SCGB1D2: variants seen among roughly 807,000 people sequenced by gnomAD.
SCGB1D2 encodes lipophilin-B.
SCGB1D2 carries 10 observed loss-of-function variants against 10.5 expected under a neutral mutation model. The observed-to-expected ratio is 0.95, with a 90% CI of 0.59 to 1.61. The LOEUF (loss-of-function observed/expected upper bound fraction) is 1.61. Ranked by LOEUF, SCGB1D2 falls within the 40% of genes most tolerant of loss-of-function variation. SCGB1D2 has a pLI of 0.00. For synonymous variants in SCGB1D2, 42 were observed against 42.8 expected (o/e 0.98, Z 0.08); for missense variants, 113 against 103.8 (o/e 1.09, Z -0.38).
intron 2 of SCGB1D2, 96 bp downstream of exon 2, chr11:62,243,572 G>C: frequency 9.3e-7 from 1 of 1,075,986 alleles, no homozygotes; most frequent in Non-Finnish European, 1.3e-6. Flanking sequence ...CAGGTGGTGG[G>C]GCAGCTGCCT....
At chr11:62,242,673 C>A (rs1317712853) in intron 1 of SCGB1D2, among the ~76,000 whole-genome samples, 2 of 152,198 alleles carry the variant, frequency 1.3e-5, no homozygotes, top group African/African-American at 4.8e-5. Context: ...CGCCACTTCC[C>A]AGCCCTTTGA....
At chr11:62,242,578 T>A (rs1945072051) in intron 1 of SCGB1D2, among the ~76,000 whole-genome samples, 1 of 152,190 alleles carries the variant, frequency 6.6e-6, no homozygotes, top group Non-Finnish European at 1.5e-5. Flanking sequence ...CAGGCAAATA[T>A]TAGGAATTCT....
At position 62,244,714 on chromosome 11, in the gene SCGB1D2, C is replaced by G; in HGVS notation, c.*15C>G. 1 of 1,608,006 alleles carries G rather than the reference C, an allele frequency of 6.2e-7. No individual in the cohort carries two copies. The highest frequency in any genetic ancestry group is 1.1e-5 in the South Asian group (1 of 90,810). On this transcript the variant is annotated 3_prime_UTR_variant, in exon 3 of 3. Transcript: ENST00000244926. ...GTAGTGTGTGACATGTAAAAACTTT[C>G]ATCCTGGTTTCCACTGTCTTTCAAT...
chr11:62,244,805 T>A lies in SCGB1D2; in HGVS notation c.*106T>A, dbSNP rs1341436654. On this transcript the variant is annotated 3_prime_UTR_variant, in exon 3 of 3. Transcript: ENST00000244926. ...TCTTGCTTTAATAAATCACTTGCTC[T>A]CCACGTCTCCACTGGTCTTGTTATA... 1.0e-5 allele frequency: 10 copies of A among 955,246 alleles called. No individual in the cohort carries two copies. The African/African-American group carries it at 1.3e-4, about 13-fold the overall frequency. The allele number at this position is 955,246 out of a possible 1,614,324, so 59.2% of individuals were successfully genotyped here. A position where few individuals can be genotyped will look rare whatever the true frequency, so the allele number is the denominator to read the frequency against.
At chr11:62,242,545 C>G (rs549694739) in intron 1 of SCGB1D2, among the ~76,000 whole-genome samples, 183 bp downstream of exon 1, 9 of 152,220 alleles carry the variant, frequency 5.9e-5, no homozygotes, top group Non-Finnish European at 1.3e-4. Flanking sequence ...CCAGCACCTA[C>G]GAAGTTTTAT....
chr11:62,243,493 T>C lies in SCGB1D2; in HGVS notation c.243+17T>C, dbSNP rs773095917. 1.9e-6 allele frequency: 3 copies of C among 1,604,820 alleles called. No homozygotes were observed. The highest frequency in any genetic ancestry group is 2.7e-5 in the African/African-American group (2 of 74,626). On this transcript the variant is annotated intron_variant, in intron 2 of 2. Coordinates refer to ENST00000244926, the MANE Select transcript of SCGB1D2 (RefSeq NM_006551.4). ...GAAGTCCTGGTAACTTCTTTCTCCTTTATTTGTTAAGGCTTCTGGTCAGCT... is the reference window on the plus strand; with the variant it reads ...GAAGTCCTGGTAACTTCTTTCTCCTCTATTTGTTAAGGCTTCTGGTCAGCT...
rs1273112184 is a variant in SCGB1D2 at position 62,243,435 on chromosome 11, C to G, written c.202C>G (p.Gln68Glu). The G allele has an allele frequency of 1.2e-6, 2 of 1,613,650 alleles. No homozygotes were observed. Among genetic ancestry groups the G allele is most frequent in the Non-Finnish European group, 1.7e-6 (2 of 1,179,900 alleles). The part of the protein sequence containing the change: ...AKLGVKRCTD[Q>E]MSLQKRSLIA... Reference sequence around the variant, plus strand: ...GTTAGGAGTGAAGAGATGCACGGATCAGATGTCCCTTCAGAAACGAAGCCT... The same window carrying G: ...GTTAGGAGTGAAGAGATGCACGGATGAGATGTCCCTTCAGAAACGAAGCCT... Residue 68 changes from glutamine (Q) to glutamate (E), a missense_variant, in exon 2 of 3, where the codon CAG becomes GAG. Physicochemically the swap from Gln to Glu is conservative, Grantham distance 29. Coordinates refer to ENST00000244926, the MANE Select transcript of SCGB1D2 (RefSeq NM_006551.4).
Position 62,243,352 on chromosome 11 carries a change from C to T in SCGB1D2, c.119C>T (p.Pro40Leu). Residue 40 changes from proline (P) to leucine (L), a missense_variant, in exon 2 of 3, where the codon CCT (proline) becomes CTT (leucine). Coordinates refer to ENST00000244926, the MANE Select transcript of SCGB1D2 (RefSeq NM_006551.4). ...TTAGACTTCTTCTTCATTAGTGAACCTCTGTTCAAGTTAAGTCTTGCCAAA... is the reference window on the plus strand; with the variant it reads ...TTAGACTTCTTCTTCATTAGTGAACTTCTGTTCAAGTTAAGTCTTGCCAAA... ...ELLDFFFISEPLFKLSLAKFD... is the reference protein window; with the variant it reads ...ELLDFFFISELLFKLSLAKFD... 2.5e-6 allele frequency: 4 copies of T among 1,613,966 alleles called. No individual in the cohort carries two copies. The highest frequency in any genetic ancestry group is 3.4e-6 in the Non-Finnish European group (4 of 1,179,826).
At chr11:62,242,438 G>T (rs1945070624) in intron 1 of SCGB1D2, 76 bp downstream of exon 1, 1 of 1,501,020 alleles carries the variant, frequency 6.7e-7, no homozygotes, top group Non-Finnish European at 9.3e-7. Context: ...ACCTATTCAG[G>T]CTGGGGTTAG....
At position 62,243,324 on chromosome 11, in the gene SCGB1D2, C is replaced by G. The variant is rs769498137; in HGVS notation, c.91C>G (p.Leu31Val). The G allele has an allele frequency of 6.2e-7, 1 of 1,614,016 alleles. No homozygotes were observed. Among genetic ancestry groups the G allele is most frequent in the South Asian group, 1.1e-5 (1 of 91,056 alleles). Reference protein sequence around the residue: ...AEFCPALVSELLDFFFISEPL... With the variant: ...AEFCPALVSEVLDFFFISEPL... ...GTTCTGCCCAGCTCTTGTTTCTGAG[C>G]TGTTAGACTTCTTCTTCATTAGTGA... Residue 31 changes from leucine to valine, a missense_variant, in exon 2 of 3, where the codon CTG (leucine) becomes GTG (valine). Leu to Val is a conservative substitution (Grantham distance 32). Coordinates refer to ENST00000244926, the MANE Select transcript of SCGB1D2 (RefSeq NM_006551.4).
Position 62,244,811 on chromosome 11 carries a change from T to C in SCGB1D2, c.*112T>C. ...TTTAATAAATCACTTGCTCTCCACGTCTCCACTGGTCTTGTTATAATCCTG... is the reference window on the plus strand; with the variant it reads ...TTTAATAAATCACTTGCTCTCCACGCCTCCACTGGTCTTGTTATAATCCTG... On this transcript the variant is annotated 3_prime_UTR_variant, in exon 3 of 3. Coordinates refer to ENST00000244926, the MANE Select transcript of SCGB1D2 (RefSeq NM_006551.4). The C allele has an allele frequency of 2.2e-6, 2 of 923,036 alleles. No individual in the cohort carries two copies. The highest frequency in any genetic ancestry group is 2.4e-5 in the East Asian group (1 of 41,280). The allele number at this position is 923,036 out of a possible 1,614,324, so 57.2% of individuals were successfully genotyped here.
Position 62,243,288 on chromosome 11 carries a change from GC to G in SCGB1D2, c.57del (p.Asn20MetfsTer13). 6.2e-7 allele frequency: 1 copy of G among 1,608,942 alleles called. No homozygotes were observed. The highest frequency in any genetic ancestry group is 8.5e-7 in the Non-Finnish European group (1 of 1,177,100). On this transcript the variant is annotated frameshift_variant and splice_region_variant, in exon 2 of 3. Coordinates refer to ENST00000244926, the MANE Select transcript of SCGB1D2 (RefSeq NM_006551.4). LOFTEE classifies it high-confidence loss of function. ...ACTATATTTTTATTCTTTTGCTGCA[GC>G]CAATGCCGAGTTCTGCCCAGCTCTT... The part of the protein sequence containing the change: ...LVTLALCCYQ[A>X]NAEFCPALVS...
At chr11:62,242,399 G>A (rs1344649939) in intron 1 of SCGB1D2, 37 bp downstream of exon 1, 1 of 1,608,778 alleles carries the variant, frequency 6.2e-7, no homozygotes, top group Non-Finnish European at 8.5e-7. Context: ...TCCAGCCCCT[G>A]GGAAGCACCC....
chr11:62,243,455 A>T lies in SCGB1D2; in HGVS notation c.222A>T (p.Arg74=). ...CGGATCAGATGTCCCTTCAGAAACG[A>T]AGCCTCATTGCGGAAGTCCTGGTAA... ...RCTDQMSLQK[R]SLIAEVLVKI... Residue 74 remains arginine (R), a synonymous_variant, in exon 2 of 3, where the codon CGA becomes CGT. Coordinates refer to ENST00000244926, the MANE Select transcript of SCGB1D2 (RefSeq NM_006551.4). 1 of 1,613,286 alleles carries T rather than the reference A, an allele frequency of 6.2e-7. No homozygotes were observed. Among genetic ancestry groups the T allele is most frequent in the Non-Finnish European group, 8.5e-7 (1 of 1,179,672 alleles).
In SCGB1D2 at chr11:62,242,268, A is replaced by G. The variant is rs1945068484; in HGVS notation, c.-40A>G. 1.2e-6 allele frequency: 2 copies of G among 1,611,852 alleles called. No individual in the cohort carries two copies. The highest frequency in any genetic ancestry group is 1.7e-6 in the Non-Finnish European group (2 of 1,178,192). On this transcript the variant is annotated 5_prime_UTR_variant, in exon 1 of 3. Coordinates refer to ENST00000244926, the MANE Select transcript of SCGB1D2 (RefSeq NM_006551.4). ...TCCTGGGGTGGAGTCCAAATCACTC[A>G]TTGTTTGTGAAAGCTGAGCTCACAG...
chr11:62,242,389 T>A (rs368641266), intron 1 of SCGB1D2, 27 bp downstream of exon 1: 81 of 1,612,730 alleles, frequency 5.0e-5, no homozygotes, highest in Non-Finnish European at 6.5e-5. Context: ...TGAGTCTAGC[T>A]CCAGCCCCTG....
chr11:62,244,422 A>T (rs749500492), intron 2 of SCGB1D2, among the ~76,000 whole-genome samples: 1 of 152,158 alleles, frequency 6.6e-6, no homozygotes, highest in Admixed American at 6.5e-5. Flanking sequence ...ACTTGCTTCC[A>T]TGAGGATCCT....
chr11:62,242,249 G>A lies in SCGB1D2; in HGVS notation c.-59G>A. On this transcript the variant is annotated 5_prime_UTR_variant, in exon 1 of 3. Coordinates refer to ENST00000244926, the MANE Select transcript of SCGB1D2 (RefSeq NM_006551.4). ...GCTCTGCAGCTCCACAGGCTCCTGG[G>A]GTGGAGTCCAAATCACTCATTGTTT... 3 of 1,582,434 alleles carry A rather than the reference G, an allele frequency of 1.9e-6. No individual in the cohort carries two copies. The South Asian group carries it at 3.3e-5, about 18-fold the overall frequency.
intron 2 of SCGB1D2, among the ~76,000 whole-genome samples, chr11:62,243,939 C>T (rs762394957): frequency 4.6e-5 from 7 of 152,102 alleles, no homozygotes; most frequent in Non-Finnish European, 1.0e-4. Flanking sequence ...GTAGCACTGG[C>T]AGGCTGGACT....
Sources: gnomAD v4.1 joint callset for allele counts (sites outside exome capture counted in the v4.1 genomes callset) on GRCh38, gnomAD v4.1.1 for gene constraint, MANE v1.5 for transcripts, NCBI Gene and HGNC (gene_info 2026-07-23, HGNC 2026-07-21) for gene names.